The following SRPX variants were observed in gnomAD, a reference collection of about 807,000 sequenced individuals.
SRPX encodes the protein sushi repeat containing protein X-linked, also known as sushi repeat-containing protein SRPX.
A neutral mutation model predicts 38.1 loss-of-function variants in SRPX; 24 were observed. That is an observed-to-expected ratio of 0.63 (90% CI 0.46 to 0.89). SRPX has a LOEUF of 0.89. Ranked by LOEUF, SRPX falls within the 40% of genes least tolerant of loss-of-function variation. The pLI is 0.00. For synonymous variants in SRPX, 184 were observed against 153.8 expected, an observed-to-expected ratio of 1.20 and a Z score of -1.45; for missense variants, 416 against 377.8, an observed-to-expected ratio of 1.10 and a Z score of -0.84.
chrX:38,157,247 T>A (rs1262702237), intron 7 of SRPX, among the ~76,000 whole-genome samples: 1 of 111,525 alleles, frequency 9.0e-6, no homozygotes, highest in Non-Finnish European at 1.9e-5. Context: ...CACCATAAAC[T>A]TAGTGACTTA....
At chrX:38,220,237 G>A (rs1034107824) in intron 1 of SRPX, among the ~76,000 whole-genome samples, 1 of 113,792 alleles carries the variant, frequency 8.8e-6, no homozygotes, top group Admixed American at 9.2e-5. Context: ...CGTGGCTCGT[G>A]TCCTGCGGCC....
At chrX:38,176,180 C>T (rs1243894829) in intron 2 of SRPX, among the ~76,000 whole-genome samples, 1 of 110,823 alleles carries the variant, frequency 9.0e-6, no homozygotes, top group African/African-American at 3.3e-5. Flanking sequence ...TTTGGGGCTG[C>T]GGTTGACTGA....
In SRPX at chrX:38,154,584, C is replaced by G. The variant is rs1938096556; in HGVS notation, c.1090-1G>C. The G allele has an allele frequency of 8.3e-7, 1 of 1,205,600 alleles. No individual in the cohort carries two copies. Among genetic ancestry groups the G allele is most frequent in the Non-Finnish European group, 1.1e-6 (1 of 893,661 alleles). ...GAAGATCAAGGCCACACTGTGCTTGCTGGGAAAAAGAAAACCCAACAGGGG... is the reference window on the plus strand; with the variant it reads ...GAAGATCAAGGCCACACTGTGCTTGGTGGGAAAAAGAAAACCCAACAGGGG... On this transcript the variant is annotated splice_acceptor_variant, in intron 8 of 9. Coordinates refer to ENST00000378533, the MANE Select transcript of SRPX (RefSeq NM_006307.5). LOFTEE classifies it high-confidence loss of function.
chrX:38,151,604 GA>G (rs1938016998), intron 9 of SRPX, among the ~76,000 whole-genome samples: 1 of 111,463 alleles, frequency 9.0e-6, no homozygotes, highest in Admixed American at 9.5e-5. Flanking sequence ...TGTAAAGAGG[GA>G]AAACTGTCAT....
At position 38,164,808 on chromosome X, in the gene SRPX, G is replaced by A; in HGVS notation, c.614C>T (p.Thr205Ile). The change falls in exon 5 of 10, where the codon ACA becomes ATA. Residue 205 changes from threonine (T) to isoleucine (I), a missense_variant. By Grantham distance (89) the Thr-to-Ile change is moderately conservative (BLOSUM62 -1). Coordinates refer to ENST00000378533, the MANE Select transcript of SRPX (RefSeq NM_006307.5). Reference protein sequence around the residue: ...NKLTVRVSWETPEGRDTADGI... With the variant: ...NKLTVRVSWEIPEGRDTADGI... ...ATCTGCTGTGTCTCTTCCTTCGGGTGTCTCCCAGGACACCCGGACTGTCAG... is the reference window on the plus strand; with the variant it reads ...ATCTGCTGTGTCTCTTCCTTCGGGTATCTCCCAGGACACCCGGACTGTCAG... The A allele has an allele frequency of 8.3e-7, 1 of 1,210,610 alleles. No homozygotes were observed. The highest frequency in any genetic ancestry group is 1.7e-5 in the African/African-American group (1 of 57,739).
At chrX:38,220,582 G>A in intron 1 of SRPX, 114 bp downstream of exon 1, 1 of 1,057,475 alleles carries the variant, frequency 9.5e-7, no homozygotes, top group Non-Finnish European at 1.2e-6. Flanking sequence ...GAGGAGTTCT[G>A]CGCAAACAAA....
intron 3 of SRPX, among the ~76,000 whole-genome samples, chrX:38,172,839 A>C (rs1676721135): frequency 8.9e-6 from 1 of 112,956 alleles, no homozygotes; most frequent in South Asian, 3.6e-4. Flanking sequence ...GGGCAGCTAC[A>C]GGCTGCTCAC....
intron 1 of SRPX, among the ~76,000 whole-genome samples, chrX:38,205,960 A>G (rs981489113): frequency 8.9e-6 from 1 of 112,564 alleles, no homozygotes; most frequent in African/African-American, 3.2e-5. Flanking sequence ...GCACATGCAT[A>G]TAAGAGGTAG....
chrX:38,168,071 C>A (rs1293501455), intron 4 of SRPX, among the ~76,000 whole-genome samples: 2 of 112,137 alleles, frequency 1.8e-5, no homozygotes, highest in Non-Finnish European at 3.8e-5. Flanking sequence ...GCCACCAGCA[C>A]CCAGCTGAAG....
At position 38,183,582 on chromosome X, in the gene SRPX, GA is replaced by G. The variant is rs199670319; in HGVS notation, c.98-5239del. Reference sequence around the variant, plus strand: ...GCAGAGGAGCTTTATGTACATTGGGGAAAGATTTTCCCCACCATTAAAATTT... The same window carrying G: ...GCAGAGGAGCTTTATGTACATTGGGGAAGATTTTCCCCACCATTAAAATTT... On this transcript the variant is annotated intron_variant, in intron 1 of 9. Coordinates refer to ENST00000378533, the MANE Select transcript of SRPX (RefSeq NM_006307.5). Among the ~76,000 whole-genome samples the G allele has an allele frequency of 7.8e-3, 868 of 111,794 alleles. 10 individuals are homozygous for G. Among genetic ancestry groups the G allele is most frequent in the African/African-American group, 0.027 (832 of 30,741 alleles).
At chrX:38,186,813 T>A (rs961035026) in intron 1 of SRPX, among the ~76,000 whole-genome samples, 1 of 112,160 alleles carries the variant, frequency 8.9e-6, no homozygotes, top group Non-Finnish European at 1.9e-5. Flanking sequence ...GCCAGACTTC[T>A]AGCCCCCAAA....
intron 1 of SRPX, among the ~76,000 whole-genome samples, chrX:38,214,240 T>G (rs753874323): frequency 9.0e-6 from 1 of 111,596 alleles, no homozygotes; most frequent in African/African-American, 3.3e-5. Flanking sequence ...CCTCAGAGGC[T>G]CCTCCCTAAA....
chrX:38,161,989 T>C (rs1938273163), intron 5 of SRPX, among the ~76,000 whole-genome samples: 1 of 111,855 alleles, frequency 8.9e-6, no homozygotes, highest in Admixed American at 9.5e-5. Context: ...TGTAGGTGGG[T>C]GAGGTGGCTG....
At chrX:38,154,355 A>G (rs1454969865) in intron 9 of SRPX, 107 bp downstream of exon 9, 2 of 913,043 alleles carry the variant, frequency 2.2e-6, no homozygotes, top group African/African-American at 4.0e-5. Context: ...GCAATTAAAC[A>G]TTGAAGGTTG....
intron 1 of SRPX, among the ~76,000 whole-genome samples, chrX:38,188,899 C>G (rs1292202333): frequency 8.9e-6 from 1 of 112,083 alleles, no homozygotes; most frequent in Non-Finnish European, 1.9e-5. Context: ...GATTTAAATA[C>G]TTTGAAAACC....
chrX:38,161,795 G>C (rs907426302), intron 5 of SRPX, among the ~76,000 whole-genome samples: 16 of 111,890 alleles, frequency 1.4e-4, no homozygotes, highest in African/African-American at 5.2e-4. Flanking sequence ...CAGCTAGGGT[G>C]AGTTTATCTT....
chrX:38,164,824 G>T lies in SRPX; in HGVS notation c.598C>A (p.Arg200=). 6 of 1,210,125 alleles carry T rather than the reference G, an allele frequency of 5.0e-6. No individual in the cohort carries two copies. The highest frequency in any genetic ancestry group is 6.7e-6 in the Non-Finnish European group (6 of 894,380). The change falls in exon 5 of 10, where the codon CGG becomes AGG. Residue 200 remains arginine, a synonymous_variant. Coordinates refer to ENST00000378533, the MANE Select transcript of SRPX (RefSeq NM_006307.5). ...RIAEPNKLTV[R]VSWETPEGRD... is the part of the protein sequence containing the mutation. ...CCTTCGGGTGTCTCCCAGGACACCC[G>T]GACTGTCAGTTTGTTGGGTTCTGCA...
intron 1 of SRPX, among the ~76,000 whole-genome samples, chrX:38,202,248 A>G (rs893262377): frequency 1.8e-5 from 2 of 111,809 alleles, no homozygotes; most frequent in Non-Finnish European, 3.8e-5. Flanking sequence ...CCCTTGCTCA[A>G]TAAACTTTTT....
chrX:38,220,771 G>T lies in SRPX; in HGVS notation c.22C>A (p.Pro8Thr). MGSPAHRPALLLLLPPLL... is the reference protein window; with the variant it reads MGSPAHRTALLLLLPPLL... ...GGCGGCAGCAGCAGCAGCAGCGCGG[G>T]CCGATGTGCGGGGCTCCCCATGGCG... The change falls in exon 1 of 10, where the codon CCC becomes ACC. Residue 8 changes from proline (P) to threonine (T), a missense_variant. Coordinates refer to ENST00000378533, the MANE Select transcript of SRPX (RefSeq NM_006307.5). 1.2e-5 allele frequency: 14 copies of T among 1,132,941 alleles called. 1 individual carries two copies. The highest frequency in any genetic ancestry group is 1.6e-5 in the Non-Finnish European group (14 of 862,773). The allele number at this position is 1,132,941 out of a possible 1,213,427, so 93.4% of individuals were successfully genotyped here.
Sources: allele counts gnomAD v4.1 joint callset (sites outside exome capture counted in the v4.1 genomes callset), GRCh38; gene constraint gnomAD v4.1.1; transcripts MANE v1.5; gene names NCBI Gene and HGNC (gene_info 2026-07-23, HGNC 2026-07-21).